Variants in TOP6BL observed in about 807,000 individuals in gnomAD.
TOP6BL encodes TOP6B like initiator of meiotic double strand breaks, also known as type 2 DNA topoisomerase 6 subunit B-like.
the TOP6BL span, chr11:66,788,106 C>A: frequency 1.6e-6 from 2 of 1,289,746 alleles, no homozygotes. Flanking sequence ...TCCAGAAATC[C>A]TGGTTCTTAT....
At chr11:66,747,878 C>A in the TOP6BL span, among the ~76,000 whole-genome samples, 1 of 152,238 alleles carries the variant, frequency 6.6e-6, no homozygotes, top group East Asian at 1.9e-4. Flanking sequence ...CCTCGGCCTC[C>A]CAAAGTGCTG....
At chr11:66,752,561 C>T in the TOP6BL span, among the ~76,000 whole-genome samples, 1 of 152,038 alleles carries the variant, frequency 6.6e-6, no homozygotes, top group African/African-American at 2.4e-5. Context: ...AAGTGATTCT[C>T]CTGCCTCAGC....
chr11:66,801,076 T>C, the TOP6BL span: 4 of 1,613,976 alleles, frequency 2.5e-6, no homozygotes, highest in Non-Finnish European at 3.4e-6. Flanking sequence ...GAATTGCTCT[T>C]TTGGTCGACT....
chr11:66,821,656 G>T, the TOP6BL span: 64 of 1,608,034 alleles, frequency 4.0e-5, no homozygotes, highest in Non-Finnish European at 5.0e-5. Context: ...TCTATACTTT[G>T]CTCACAACTC....
At chr11:66,759,067 G>T in the TOP6BL span, 1 of 1,567,526 alleles carries the variant, frequency 6.4e-7, no homozygotes. Flanking sequence ...AGCCTTTTTG[G>T]TGGCATGGTC....
At chr11:66,797,203 T>G in the TOP6BL span, among the ~76,000 whole-genome samples, 1 of 151,840 alleles carries the variant, frequency 6.6e-6, no homozygotes, top group African/African-American at 2.4e-5. Context: ...TTTCACTGTG[T>G]TGGCCAGGCT....
chr11:66,830,805 C>T, the TOP6BL span, among the ~76,000 whole-genome samples: 1 of 152,142 alleles, frequency 6.6e-6, no homozygotes, highest in African/African-American at 2.4e-5. Context: ...ATACGAAGCC[C>T]ACTCAAGAAG....
the TOP6BL span, among the ~76,000 whole-genome samples, chr11:66,776,433 A>G: frequency 6.6e-6 from 1 of 152,166 alleles, no homozygotes; most frequent in South Asian, 2.1e-4. Flanking sequence ...AGCAGGGGTA[A>G]TATTAGGCAT....
At chr11:66,769,402 A>G in the TOP6BL span, among the ~76,000 whole-genome samples, 3 of 152,100 alleles carry the variant, frequency 2.0e-5, no homozygotes, top group African/African-American at 7.2e-5. Flanking sequence ...AAAAACTCTT[A>G]TGCTTCAAAA....
chr11:66,800,625 A>C, the TOP6BL span: 1 of 1,585,024 alleles, frequency 6.3e-7, no homozygotes, highest in African/African-American at 1.3e-5. Flanking sequence ...CTCACACTTA[A>C]CTTATTGTTT....
At chr11:66,760,513 T>A in the TOP6BL span, among the ~76,000 whole-genome samples, 1 of 147,734 alleles carries the variant, frequency 6.8e-6, no homozygotes, top group African/African-American at 2.5e-5. Flanking sequence ...GCACAGTGGC[T>A]CATGCCTGTA....
At chr11:66,819,712 G>T in the TOP6BL span, among the ~76,000 whole-genome samples, 1 of 152,036 alleles carries the variant, frequency 6.6e-6, no homozygotes, top group African/African-American at 2.4e-5. Flanking sequence ...AGACCAGTCT[G>T]GCCAACATGG....
the TOP6BL span, among the ~76,000 whole-genome samples, chr11:66,841,110 A>ATTTTTTTTTTTT: frequency 1.2e-5 from 1 of 84,628 alleles, no homozygotes; most frequent in Non-Finnish European, 2.2e-5. Flanking sequence ...GAGGCCTCTC[A>ATTTTTTTTTTTT]TTTTTTTTTT....
chr11:66,745,468 C>T, the TOP6BL span, among the ~76,000 whole-genome samples: 3 of 152,170 alleles, frequency 2.0e-5, no homozygotes, highest in South Asian at 6.2e-4. Context: ...CACCTGTGCT[C>T]GGGGAGCTGC....
chr11:66,771,145 CA>C, the TOP6BL span: 2 of 150,674 alleles, frequency 1.3e-5, no homozygotes, highest in African/African-American at 4.9e-5. Flanking sequence ...ATCCAAATGG[CA>C]CTTCTTCTGG....
chr11:66,747,399 T>TC, the TOP6BL span, among the ~76,000 whole-genome samples: 1 of 152,216 alleles, frequency 6.6e-6, no homozygotes, highest in East Asian at 1.9e-4. Flanking sequence ...ATTTAATTTT[T>TC]TTTTTTTTTT....
the TOP6BL span, among the ~76,000 whole-genome samples, chr11:66,755,544 G>A: frequency 1.3e-5 from 2 of 152,146 alleles, no homozygotes; most frequent in Non-Finnish European, 2.9e-5. Context: ...GAAAATAAAC[G>A]TGTGTGTTCA....
chr11:66,842,836 G>C, the TOP6BL span: 1 of 1,550,040 alleles, frequency 6.5e-7, no homozygotes, highest in Non-Finnish European at 8.7e-7. Flanking sequence ...GAAGAGGCTT[G>C]TTTTTCTCCT....
the TOP6BL span, among the ~76,000 whole-genome samples, chr11:66,765,282 T>A: frequency 6.6e-5 from 10 of 152,198 alleles, no homozygotes; most frequent in Admixed American, 5.9e-4. Flanking sequence ...TAGTTTTAAT[T>A]TAACTGTTAC....
Sources: allele counts gnomAD v4.1 joint callset (sites outside exome capture counted in the v4.1 genomes callset), GRCh38; gene constraint gnomAD v4.1.1; transcripts MANE v1.5; gene names NCBI Gene and HGNC (gene_info 2026-07-23, HGNC 2026-07-21).